Variants in MIPOL1 observed in about 807,000 individuals in gnomAD.
MIPOL1 encodes the protein mirror-image polydactyly gene 1 protein.
In MIPOL1, 57 loss-of-function variants were observed where a neutral mutation model predicts 60.9. The observed-to-expected ratio is 0.94, with a 90% CI of 0.76 to 1.17. MIPOL1 has a LOEUF of 1.17. Ranked by LOEUF, MIPOL1 falls within the 50% of genes most tolerant of loss-of-function variation. MIPOL1 has a pLI of 0.00. For synonymous variants in MIPOL1, 179 were observed against 168.8 expected (o/e 1.06, Z -0.47); for missense variants, 551 against 511.6 (o/e 1.08, Z -0.74).
chr14:37,200,467 A>T (rs911510035), intron 1 of MIPOL1, among the ~76,000 whole-genome samples: 2 of 152,154 alleles, frequency 1.3e-5, no homozygotes, highest in African/African-American at 4.8e-5. Flanking sequence ...GTGAGGGGAA[A>T]ACTTTTATAA....
chr14:37,446,108 A>G (rs1353002419), intron 11 of MIPOL1, among the ~76,000 whole-genome samples: 1 of 152,252 alleles, frequency 6.6e-6, no homozygotes, highest in African/African-American at 2.4e-5. Flanking sequence ...CTGCACAGCA[A>G]AAGACACTAC....
intron 1 of MIPOL1, among the ~76,000 whole-genome samples, chr14:37,234,514 T>C (rs1342158091): frequency 6.6e-6 from 1 of 151,870 alleles, no homozygotes; most frequent in East Asian, 1.9e-4. Context: ...TTTAAATTTT[T>C]TGTAGAGATG....
intron 9 of MIPOL1, among the ~76,000 whole-genome samples, chr14:37,355,812 A>T (rs1567616728): frequency 6.7e-6 from 1 of 149,538 alleles, no homozygotes; most frequent in African/African-American, 2.5e-5. Context: ...ATTCTTCTAA[A>T]TTTTTTTCAA....
At chr14:37,316,052 A>G (rs1434593457) in intron 9 of MIPOL1, among the ~76,000 whole-genome samples, 7 of 149,338 alleles carry the variant, frequency 4.7e-5, no homozygotes, top group Non-Finnish European at 1.0e-4. Flanking sequence ...TTTGAGACCG[A>G]ATCTTGCTCT....
intron 7 of MIPOL1, among the ~76,000 whole-genome samples, chr14:37,297,878 G>T (rs2153425126): frequency 6.6e-6 from 1 of 152,162 alleles, no homozygotes; most frequent in Non-Finnish European, 1.5e-5. Context: ...TGGCCATACT[G>T]CCCAAGGTAA....
At chr14:37,440,909 A>T (rs188731784) in intron 11 of MIPOL1, among the ~76,000 whole-genome samples, 1 of 152,102 alleles carries the variant, frequency 6.6e-6, no homozygotes, top group South Asian at 2.1e-4. Context: ...ATGTCTGCCA[A>T]TTCACCAACA....
intron 12 of MIPOL1, among the ~76,000 whole-genome samples, chr14:37,510,704 T>C (rs1245037791): frequency 1.3e-5 from 2 of 152,204 alleles, no homozygotes. Context: ...AAATCAACTA[T>C]AACAATTTAG....
At chr14:37,402,544 A>G (rs960243542) in intron 10 of MIPOL1, among the ~76,000 whole-genome samples, 1 of 152,210 alleles carries the variant, frequency 6.6e-6, no homozygotes, top group African/African-American at 2.4e-5. Flanking sequence ...TAAGCCATCC[A>G]GTGAAATTCT....
intron 9 of MIPOL1, among the ~76,000 whole-genome samples, chr14:37,328,146 G>A (rs1190297703): frequency 6.6e-6 from 1 of 152,068 alleles, no homozygotes; most frequent in Non-Finnish European, 1.5e-5. Context: ...CCGAGTAGCT[G>A]GGATTACAGG....
chr14:37,453,283 A>C (rs1437740706), intron 11 of MIPOL1, among the ~76,000 whole-genome samples: 1 of 152,104 alleles, frequency 6.6e-6, no homozygotes, highest in Admixed American at 6.6e-5. Flanking sequence ...ATCTTTATTT[A>C]AATGGTTTTA....
rs141367127 is a variant in MIPOL1 at position 37,488,204 on chromosome 14, C to A, written c.1032-11704C>A. 5.3e-5 allele frequency among the ~76,000 whole-genome samples: 8 copies of A among 152,174 alleles called. No individual in the cohort carries two copies. The East Asian group carries it at 1.5e-3, about 29-fold the overall frequency. ...TTGGAGTGACTGTTTGCTATGATTT[C>A]CATTCTTTTGCATTTCCTGAGCAGT... On this transcript the variant is annotated intron_variant, in intron 11 of 12. Transcript: ENST00000684589.
At chr14:37,524,781 C>G (rs553221090) in intron 12 of MIPOL1, among the ~76,000 whole-genome samples, 108 of 151,414 alleles carry the variant, frequency 7.1e-4, no homozygotes, top group Non-Finnish European at 8.0e-4. Flanking sequence ...TCTTGGCCAG[C>G]CTGGTCTTGA....
chr14:37,275,473 CTGATTTGCATCCAT>C (rs1185649809), intron 6 of MIPOL1, among the ~76,000 whole-genome samples: 1 of 151,144 alleles, frequency 6.6e-6, no homozygotes, highest in Non-Finnish European at 1.5e-5. Flanking sequence ...ATGCTATGGC[CTGATTTGCATCCAT>C]TAATTTGCTC....
At chr14:37,221,751 C>G (rs1027714949) in intron 1 of MIPOL1, among the ~76,000 whole-genome samples, 2 of 152,152 alleles carry the variant, frequency 1.3e-5, no homozygotes, top group Admixed American at 6.5e-5. Flanking sequence ...AAGGACCCTC[C>G]TCCAACACTG....
intron 9 of MIPOL1, among the ~76,000 whole-genome samples, chr14:37,366,247 G>T (rs1595430127): frequency 6.6e-6 from 1 of 151,672 alleles, no homozygotes; most frequent in Admixed American, 6.6e-5. Context: ...GCATTGTTAG[G>T]TTGTTTGTTT....
At chr14:37,435,314 T>TG (rs2094146705) in intron 11 of MIPOL1, among the ~76,000 whole-genome samples, 3 of 152,126 alleles carry the variant, frequency 2.0e-5, no homozygotes, top group Admixed American at 2.0e-4. Context: ...CTGCCTGGAG[T>TG]GTTCTACCCC....
intron 9 of MIPOL1, among the ~76,000 whole-genome samples, chr14:37,363,667 C>G (rs1053105239): frequency 2.0e-5 from 3 of 152,212 alleles, no homozygotes; most frequent in Admixed American, 6.5e-5. Flanking sequence ...CTCTTCAGAG[C>G]TATCAGACAG....
chr14:37,297,206 A>C (rs2085818299), intron 7 of MIPOL1, among the ~76,000 whole-genome samples: 1 of 152,228 alleles, frequency 6.6e-6, no homozygotes, highest in South Asian at 2.1e-4. Context: ...GATAAAAACC[A>C]CATGATTATC....
intron 3 of MIPOL1, among the ~76,000 whole-genome samples, chr14:37,260,697 T>C (rs35276662): frequency 0.3 from 46,170 of 151,974 alleles, 7,239 homozygotes; most frequent in East Asian, 0.46. Flanking sequence ...AGTAAAATTA[T>C]GACTTTATTT....
Sources: gnomAD v4.1 joint callset for allele counts (sites outside exome capture counted in the v4.1 genomes callset) on GRCh38, gnomAD v4.1.1 for gene constraint, MANE v1.5 for transcripts, NCBI Gene and HGNC (gene_info 2026-07-23, HGNC 2026-07-21) for gene names.